Variants in DCDC2C observed in about 807,000 individuals in gnomAD.
DCDC2C encodes doublecortin domain containing 2C.
Under a neutral mutation model 45.0 loss-of-function variants are expected in DCDC2C, and 44 were observed. That is an observed-to-expected ratio of 0.98 (90% CI 0.77 to 1.26). The LOEUF is 1.26. DCDC2C is among the 50% of genes most tolerant of loss of function. The pLI is 0.00. For missense variants in DCDC2C, 447 were observed against 468.9 expected (o/e 0.95, Z 0.43); for synonymous variants, 187 against 178.8 (o/e 1.05, Z -0.37).
chr2:3,802,791 TGA>T (rs1671145687), intron 10 of DCDC2C, among the ~76,000 whole-genome samples: 4 of 152,182 alleles, frequency 2.6e-5, no homozygotes, highest in Admixed American at 2.6e-4. Flanking sequence ...CTTTCCTAAA[TGA>T]CCCATCTCCA....
At chr2:3,705,304 T>G (rs1166678811) in intron 1 of DCDC2C, among the ~76,000 whole-genome samples, 3 of 152,218 alleles carry the variant, frequency 2.0e-5, no homozygotes, top group Admixed American at 2.0e-4. Context: ...GATTAGCATA[T>G]TTCAGATTGA....
chr2:3,738,677 A>G (rs1454760020), intron 3 of DCDC2C, among the ~76,000 whole-genome samples: 1 of 151,148 alleles, frequency 6.6e-6, no homozygotes, highest in Non-Finnish European at 1.5e-5. Context: ...AGGCGTTTAT[A>G]GGTATATGTG....
intron 10 of DCDC2C, among the ~76,000 whole-genome samples, chr2:3,819,885 G>A (rs895789562): frequency 3.9e-5 from 6 of 152,182 alleles, no homozygotes; most frequent in African/African-American, 1.4e-4. Flanking sequence ...GTGTGAGAAG[G>A]GGAGGTGATA....
At chr2:3,801,459 T>G (rs1036101922) in intron 10 of DCDC2C, among the ~76,000 whole-genome samples, 13 of 152,182 alleles carry the variant, frequency 8.5e-5, no homozygotes, top group African/African-American at 2.9e-4. Flanking sequence ...GTTTGAGAAA[T>G]TACAAGAGAA....
intron 10 of DCDC2C, among the ~76,000 whole-genome samples, chr2:3,824,990 G>A (rs2148227863): frequency 6.6e-6 from 1 of 152,248 alleles, no homozygotes; most frequent in Non-Finnish European, 1.5e-5. Flanking sequence ...GCCACAGTGG[G>A]TCTTCATCAG....
At chr2:3,806,983 G>A (rs73146858) in intron 10 of DCDC2C, among the ~76,000 whole-genome samples, 60,024 of 151,888 alleles carry the variant, frequency 0.4, 12,471 homozygotes, top group East Asian at 0.53. Context: ...GATGACTGGC[G>A]TTGGGGTGGT....
intron 1 of DCDC2C, among the ~76,000 whole-genome samples, chr2:3,706,663 A>G (rs1053477229): frequency 1.3e-5 from 2 of 152,158 alleles, no homozygotes; most frequent in South Asian, 2.1e-4. Flanking sequence ...TGAACATGCT[A>G]TTTGAATCAA....
rs957012868 is a variant in DCDC2C at position 3,752,665 on chromosome 2, C to A, written c.546-98C>A. The A allele has an allele frequency of 1.3e-5, 18 of 1,382,702 alleles. No individual in the cohort carries two copies. In the African/African-American group the frequency reaches 2.1e-4, roughly 16 times the overall value. The allele number at this position is 1,382,702 out of a possible 1,614,324, so 85.7% of individuals were successfully genotyped here. A position where few individuals can be genotyped will look rare whatever the true frequency, so the allele number is the denominator to read the frequency against. On this transcript the variant is annotated intron_variant, in intron 4 of 10. Transcript: ENST00000399143. ...CGATGAGCACTGTTTCTCCAGCGGT[C>A]CATGCACTAGTCATGTCATAGTGTA...
In DCDC2C at chr2:3,757,485, A is replaced by G. The variant is rs1329516518; in HGVS notation, c.726+2851A>G. 3.9e-5 allele frequency among the ~76,000 whole-genome samples: 6 copies of G among 152,226 alleles called. No homozygotes were observed. In the East Asian group the frequency reaches 5.8e-4, roughly 15 times the overall value. ...GCTTAAAAAAAAGTACCTAGAATAC[A>G]AAACAGAAAGTCTTTCTTGACCCTT... is the stretch of plus-strand genomic sequence containing the variant. On this transcript the variant is annotated intron_variant, in intron 6 of 10. Coordinates refer to ENST00000399143, the MANE Select transcript of DCDC2C (RefSeq NM_001287444.2).
intron 9 of DCDC2C, among the ~76,000 whole-genome samples, chr2:3,781,364 G>A (rs1199293588): frequency 1.3e-5 from 2 of 152,178 alleles, no homozygotes; most frequent in Non-Finnish European, 2.9e-5. Context: ...GCATATGATT[G>A]CCGGCTTGAC....
chr2:3,757,072 T>G (rs1263042357), intron 6 of DCDC2C, among the ~76,000 whole-genome samples: 1 of 152,216 alleles, frequency 6.6e-6, no homozygotes, highest in Non-Finnish European at 1.5e-5. Flanking sequence ...TAATTTTTTT[T>G]GGCCTCATTT....
intron 6 of DCDC2C, among the ~76,000 whole-genome samples, chr2:3,766,358 G>A (rs1670013662): frequency 6.6e-6 from 1 of 151,912 alleles, no homozygotes; most frequent in African/African-American, 2.4e-5. Flanking sequence ...AGAGGCCAAA[G>A]TTATGGAAAA....
At position 3,756,351 on chromosome 2, in the gene DCDC2C, T is replaced by TG. The variant is rs1008538784; in HGVS notation, c.726+1719dup. Among the ~76,000 whole-genome samples, 163 of 152,350 alleles carry TG rather than the reference T, an allele frequency of 1.1e-3. 1 individual carries two copies. The highest frequency in any genetic ancestry group is 6.8e-3 in the Middle Eastern group (2 of 294). On this transcript the variant is annotated intron_variant, in intron 6 of 10. Transcript: ENST00000399143. ...TCCAGTGCCTGTCTGCCTGGCTCAC[T>TG]GGCTCAAGTCCCCTCCCTACTGTGA... is the stretch of plus-strand genomic sequence containing the variant.
chr2:3,703,679 G>T lies in DCDC2C; in HGVS notation c.-73G>T. 2.5e-6 allele frequency: 3 copies of T among 1,208,864 alleles called. No homozygotes were observed. The highest frequency in any genetic ancestry group is 3.1e-6 in the Non-Finnish European group (3 of 971,188). The allele number at this position is 1,208,864 out of a possible 1,614,324, so 74.9% of individuals were successfully genotyped here. The stretch of plus-strand genomic sequence containing the variant: ...CCGTCGGCGGTGCCCGGGCCTGGGC[G>T]CGGCTCTGCAGGCGTCGCTGCCCGC... On this transcript the variant is annotated 5_prime_UTR_variant, in exon 1 of 11. Transcript: ENST00000399143. This position sits in a 1 kb window ranked among gnomAD's most constrained non-coding sequence, Gnocchi z 4.4.
chr2:3,751,220 C>T (rs1329955092), intron 4 of DCDC2C, among the ~76,000 whole-genome samples: 3 of 152,204 alleles, frequency 2.0e-5, no homozygotes, highest in Non-Finnish European at 4.4e-5. Context: ...GTGCCCTCTC[C>T]TTAGGACCAT....
At chr2:3,803,017 C>T (rs779035534) in intron 10 of DCDC2C, among the ~76,000 whole-genome samples, 2 of 152,198 alleles carry the variant, frequency 1.3e-5, no homozygotes, top group African/African-American at 4.8e-5. Flanking sequence ...CATGTATTGA[C>T]CTAAAATAGT....
At chr2:3,770,426 T>C (rs1016927615) in intron 8 of DCDC2C, among the ~76,000 whole-genome samples, 1 of 152,250 alleles carries the variant, frequency 6.6e-6, no homozygotes, top group East Asian at 1.9e-4. Flanking sequence ...CCTCTCAATA[T>C]TCTAGCTTTC....
intron 2 of DCDC2C, among the ~76,000 whole-genome samples, chr2:3,716,875 G>A (rs545043299): frequency 1.6e-4 from 25 of 152,196 alleles, no homozygotes; most frequent in African/African-American, 4.3e-4. Flanking sequence ...TCAGGGATTC[G>A]TTCCTTTCTA....
intron 10 of DCDC2C, among the ~76,000 whole-genome samples, chr2:3,800,949 G>T (rs897384924): frequency 6.6e-6 from 1 of 152,150 alleles, no homozygotes; most frequent in Non-Finnish European, 1.5e-5. Context: ...TTAGTACTAT[G>T]ATGAGCATAG....
Sources: gnomAD v4.1 joint callset for allele counts (sites outside exome capture counted in the v4.1 genomes callset) on GRCh38, gnomAD v4.1.1 for gene constraint, Gnocchi (gnomAD v3.1) non-coding constraint, MANE v1.5 for transcripts, NCBI Gene and HGNC (gene_info 2026-07-23, HGNC 2026-07-21) for gene names.